FCRL6: variants seen among roughly 807,000 people sequenced by gnomAD.
FCRL6 encodes Fc receptor like 6.
In FCRL6, 50 loss-of-function variants were observed where a neutral mutation model predicts 49.1. That is an observed-to-expected ratio of 1.02 (90% CI 0.81 to 1.29). The LOEUF (loss-of-function observed/expected upper bound fraction) is 1.29. Ranked by LOEUF, FCRL6 falls within the 50% of genes most tolerant of loss-of-function variation. The probability of loss-of-function intolerance (pLI) is 0.00; values close to 1 mark genes in which losing one functional copy is unlikely to be tolerated. For synonymous variants in FCRL6, 213 were observed against 199.6 expected (o/e 1.07, Z -0.57); for missense variants, 571 against 518.5 (o/e 1.10, Z -0.98).
At chr1:159,808,654 G>A in intron 3 of FCRL6, 1 of 640,384 alleles carries the variant, frequency 1.6e-6, no homozygotes, top group Middle Eastern at 4.3e-4. Flanking sequence ...AAGGAGGGGG[G>A]AGATTCTTGG....
At chr1:159,811,149 C>T (rs928236829) in intron 6 of FCRL6, among the ~76,000 whole-genome samples, 1 of 152,202 alleles carries the variant, frequency 6.6e-6, no homozygotes. Flanking sequence ...CTGTCACAGT[C>T]GTGATAATTA....
upstream of FCRL6, chr1:159,800,704 C>A: frequency 8.6e-7 from 1 of 1,168,154 alleles, no homozygotes; most frequent in Non-Finnish European, 1.2e-6. Flanking sequence ...AAATGCCTGG[C>A]AGTGTCAAAT....
upstream of FCRL6, chr1:159,800,762 A>G: frequency 2.9e-6 from 2 of 696,048 alleles, no homozygotes; most frequent in Non-Finnish European, 5.1e-6. Flanking sequence ...AAGAAAACTT[A>G]GAAAATTCTC....
At position 159,808,996 on chromosome 1, in the gene FCRL6, T is replaced by A; in HGVS notation, c.355T>A (p.Ser119Thr). Residue 119 changes from serine to threonine, a missense_variant, in exon 4 of 10, where the codon TCT becomes ACT. Ser to Thr is a moderately conservative substitution (Grantham distance 58). Transcript: ENST00000368106. ...ACCTCCTGTGCTGAGTGCCATCCCC[T>A]CTCCTGAGCCCCGAGAGGGTAGCCT... ...FPPPVLSAIP[S>T]PEPREGSLVT... The A allele has an allele frequency of 2.5e-6, 4 of 1,613,226 alleles. No individual in the cohort carries two copies. The South Asian group carries it at 3.3e-5, about 13-fold the overall frequency.
At chr1:159,809,746 C>G in intron 5 of FCRL6, 63 bp downstream of exon 5, 3 of 1,395,886 alleles carry the variant, frequency 2.1e-6, no homozygotes, top group African/African-American at 1.4e-5. Context: ...AGATCTCACC[C>G]TCTGTGTACC....
At chr1:159,807,729 T>G (rs966894286) in intron 2 of FCRL6, among the ~76,000 whole-genome samples, 1 of 152,036 alleles carries the variant, frequency 6.6e-6, no homozygotes, top group Non-Finnish European at 1.5e-5. Flanking sequence ...GCAGAAAGTG[T>G]CACATTAGGT....
At chr1:159,811,433 C>T (rs1663082423) in intron 6 of FCRL6, among the ~76,000 whole-genome samples, 1 of 152,228 alleles carries the variant, frequency 6.6e-6, no homozygotes, top group Non-Finnish European at 1.5e-5. Context: ...GCAGCTCCCT[C>T]TGTTGAGAAA....
chr1:159,805,731 A>G (rs73028947), intron 1 of FCRL6, among the ~76,000 whole-genome samples: 6,725 of 152,300 alleles, frequency 0.044, 489 homozygotes, highest in African/African-American at 0.15. Flanking sequence ...TCATTCATCC[A>G]TGCTGCCTGA....
In FCRL6 at chr1:159,810,146, T is replaced by C. The variant is rs747011096; in HGVS notation, c.939T>C (p.Pro313=). ...PASNWLVPWL[P]ASLLGLMVIA... ...GCAACTGGCTGGTTCCTTGGCTTCC[T>C]GCGAGCCTGCTTGGCCTGATGGTTA... The change falls in exon 6 of 10, where the codon CCT becomes CCC. Residue 313 remains proline, a synonymous_variant. Coordinates refer to ENST00000368106, the MANE Select transcript of FCRL6 (RefSeq NM_001004310.3). 10 of 1,613,934 alleles carry C rather than the reference T, an allele frequency of 6.2e-6. No homozygotes were observed. The highest frequency in any genetic ancestry group is 1.3e-5 in the African/African-American group (1 of 74,936).
intron 1 of FCRL6, among the ~76,000 whole-genome samples, chr1:159,802,983 C>A (rs767694615): frequency 1.3e-5 from 2 of 152,192 alleles, no homozygotes; most frequent in Non-Finnish European, 2.9e-5. Context: ...AGACCTCTCA[C>A]CTGGTTGAAA....
chr1:159,809,647 A>G lies in FCRL6; in HGVS notation c.850A>G (p.Arg284Gly), dbSNP rs1333537911. The G allele has an allele frequency of 4.3e-6, 7 of 1,614,028 alleles. No individual in the cohort carries two copies. Among genetic ancestry groups the G allele is most frequent in the Admixed American group, 3.3e-5 (2 of 60,010 alleles). Residue 284 changes from arginine (R) to glycine (G), a missense_variant, in exon 5 of 10, where the codon AGA becomes GGA. By Grantham distance (125) the Arg-to-Gly change is moderately radical. Transcript: ENST00000368106. Reference sequence around the variant, plus strand: ...CTGCGAGGCTGAGAACAGTGTCTCCAGAGAGAGGAGTGAGCCCAAGAAGCT... The same window carrying G: ...CTGCGAGGCTGAGAACAGTGTCTCCGGAGAGAGGAGTGAGCCCAAGAAGCT... ...YSCEAENSVS[R>G]ERSEPKKLSL...
chr1:159,815,566 T>C lies in FCRL6; in HGVS notation c.1210T>C (p.Cys404Arg). 6.2e-7 allele frequency: 1 copy of C among 1,614,218 alleles called. No homozygotes were observed. The stretch of plus-strand genomic sequence containing the variant: ...TTCTATCATCTGTGCGGAGGTGAGA[T>C]GCCTGCAGCCCAGTGAGGTTTCATC... ...DSSIICAEVR[C>R]LQPSEVSSTE... The change falls in exon 10 of 10, where the codon TGC (cysteine) becomes CGC (arginine). Residue 404 changes from cysteine to arginine, a missense_variant. Physicochemically the swap from Cys to Arg is radical, Grantham distance 180. Coordinates refer to ENST00000368106, the MANE Select transcript of FCRL6 (RefSeq NM_001004310.3).
rs78701897 is a variant in FCRL6 at position 159,811,706 on chromosome 1, T to C, written c.1009+1490T>C. ...TCACTAGTCTTGAGTCTGGATTCAA[T>C]ACAGGCTAGACTTGCTTTAAGGTAT... is the stretch of plus-strand genomic sequence containing the variant. On this transcript the variant is annotated intron_variant, in intron 6 of 9. Transcript: ENST00000368106. Among the ~76,000 whole-genome samples the C allele has an allele frequency of 3.4e-3, 518 of 152,330 alleles. 29 individuals are homozygous for C. The East Asian group carries it at 0.084, about 25-fold the overall frequency.
At chr1:159,813,285 T>C (rs952641224) in intron 6 of FCRL6, among the ~76,000 whole-genome samples, 11 of 152,186 alleles carry the variant, frequency 7.2e-5, no homozygotes, top group African/African-American at 2.7e-4. Context: ...TAGTTTGTGA[T>C]TCCCATGGAG....
chr1:159,808,797 C>T, intron 3 of FCRL6, 164 bp from the exon 4 acceptor site: 1 of 701,542 alleles, frequency 1.4e-6, no homozygotes, highest in Non-Finnish European at 2.3e-6. Flanking sequence ...GGAGTCATTT[C>T]AGAGTTTGTG....
intron 7 of FCRL6, 146 bp from the exon 8 acceptor site, chr1:159,814,075 C>CT: frequency 1.4e-6 from 1 of 712,704 alleles, no homozygotes; most frequent in South Asian, 1.8e-5. Context: ...GCCATGATGG[C>CT]TATCCCCACA....
intron 6 of FCRL6, among the ~76,000 whole-genome samples, chr1:159,811,005 T>G (rs555012522): frequency 5.9e-5 from 9 of 152,220 alleles, no homozygotes; most frequent in Non-Finnish European, 1.0e-4. Flanking sequence ...TTCTCCTCTG[T>G]GCATTCTCTA....
At chr1:159,810,335 A>G (rs1663019806) in intron 6 of FCRL6, 119 bp downstream of exon 6, 1 of 1,253,052 alleles carries the variant, frequency 8.0e-7, no homozygotes, top group African/African-American at 1.5e-5. Context: ...GTGGAGTGGC[A>G]GGGGGGACTT....
Position 159,809,501 on chromosome 1 carries a change from C to A in FCRL6, c.704C>A (p.Pro235His). 1 of 1,614,168 alleles carries A rather than the reference C, an allele frequency of 6.2e-7. No homozygotes were observed. ...QLLCEAQRGS[P>H]PILYSFYLDE... ...CTCTGTGAGGCACAGAGGGGCTCCCCTCCGATCCTGTATTCCTTCTACCTT... is the reference window on the plus strand; with the variant it reads ...CTCTGTGAGGCACAGAGGGGCTCCCATCCGATCCTGTATTCCTTCTACCTT... Residue 235 changes from proline (P) to histidine (H), a missense_variant, in exon 5 of 10, where the codon CCT (proline) becomes CAT (histidine). Physicochemically the swap from Pro to His is moderately conservative, Grantham distance 77. Coordinates refer to ENST00000368106, the MANE Select transcript of FCRL6 (RefSeq NM_001004310.3).
Sources: gnomAD v4.1 joint callset for allele counts (sites outside exome capture counted in the v4.1 genomes callset) on GRCh38, gnomAD v4.1.1 for gene constraint, MANE v1.5 for transcripts, NCBI Gene and HGNC (gene_info 2026-07-23, HGNC 2026-07-21) for gene names.